Variants in WDR1 observed in about 807,000 individuals in gnomAD.
The protein encoded by WDR1 is WD repeat-containing protein 1.
In WDR1, 21 loss-of-function variants were observed where a neutral mutation model predicts 71.9. That is an observed-to-expected ratio of 0.29 (90% CI 0.21 to 0.42). The LOEUF is 0.42. Among genes scored for constraint, WDR1 ranks in the 10% least tolerant of loss-of-function variants. The pLI, the probability that WDR1 is intolerant of heterozygous loss-of-function variation, is 1.00. For missense variants in WDR1, 696 were observed against 824.5 expected, an observed-to-expected ratio of 0.84 and a Z score of 1.91; for synonymous variants, 424 against 347.4, an observed-to-expected ratio of 1.22 and a Z score of -2.45.
chr4:10,099,168 GGGAGGCGGTGGTGGGGT>G, intron 3 of WDR1, 29 bp from the exon 4 acceptor site: 1 of 1,313,452 alleles, frequency 7.6e-7, no homozygotes. Context: ...GGGGGAGGGG[GGGAGGCGGTGGTGGGGT>G]AAAGGGCAGG....
At chr4:10,088,459 A>C in intron 6 of WDR1, 86 bp from the exon 7 acceptor site, 2 of 1,378,788 alleles carry the variant, frequency 1.5e-6, no homozygotes, top group Non-Finnish European at 2.0e-6. Flanking sequence ...GGCTGTAGAA[A>C]ACCGGGGCTC....
intron 5 of WDR1, among the ~76,000 whole-genome samples, chr4:10,095,468 TG>T (rs1198301304): frequency 6.6e-6 from 1 of 152,198 alleles, no homozygotes; most frequent in African/African-American, 2.4e-5. Flanking sequence ...TGACTGTGGC[TG>T]GGCCTCATGT....
At chr4:10,110,440 C>G (rs557476874) in intron 2 of WDR1, among the ~76,000 whole-genome samples, 1 of 152,322 alleles carries the variant, frequency 6.6e-6, no homozygotes, top group South Asian at 2.1e-4. Flanking sequence ...CCTCCCGTTA[C>G]CTCCAACAGG....
At chr4:10,092,993 C>T in intron 5 of WDR1, 1 of 1,183,860 alleles carries the variant, frequency 8.4e-7, no homozygotes, top group Non-Finnish European at 1.1e-6. Flanking sequence ...TATCAACGAG[C>T]CCCCCTCCCC....
intron 11 of WDR1, 107 bp from the exon 12 acceptor site, chr4:10,079,108 C>T (rs1764913794): frequency 1.2e-6 from 1 of 865,484 alleles, no homozygotes; most frequent in African/African-American, 1.7e-5. Context: ...CTGGGTTTGG[C>T]TCCATACCCA....
chr4:10,111,062 G>A (rs142637829), intron 2 of WDR1, among the ~76,000 whole-genome samples: 1 of 152,322 alleles, frequency 6.6e-6, no homozygotes, highest in African/African-American at 2.4e-5. Context: ...CTTCATCTTT[G>A]AGCAGCTTCC....
chr4:10,082,913 T>C lies in WDR1; in HGVS notation c.1196+109A>G, dbSNP rs1249478952. 8.0e-6 allele frequency: 11 copies of C among 1,377,740 alleles called. No homozygotes were observed. The Admixed American group carries it at 2.1e-4, about 26-fold the overall frequency. 85.3% of individuals were successfully genotyped at this position (1,377,740 alleles called of 1,614,324 possible). A position where few individuals can be genotyped will look rare whatever the true frequency, so the allele number is the denominator to read the frequency against. ...AATGCTGGGGACGGGGTGGGAGAGA[T>C]GAAAGGAGCAAGTGAGGCGTCCTCC... On this transcript the variant is annotated intron_variant, in intron 10 of 14. Coordinates refer to ENST00000499869, the MANE Select transcript of WDR1 (RefSeq NM_017491.5).
intron 6 of WDR1, 100 bp downstream of exon 6, chr4:10,088,564 C>A: frequency 8.3e-7 from 1 of 1,202,710 alleles, no homozygotes; most frequent in South Asian, 1.3e-5. Flanking sequence ...TGTCTAAGTT[C>A]TGCATGTCAG....
At chr4:10,078,795 TC>T in intron 12 of WDR1, 95 bp downstream of exon 12, 1 of 1,090,088 alleles carries the variant, frequency 9.2e-7, no homozygotes, top group Non-Finnish European at 1.3e-6. Context: ...CCCCTCGCCT[TC>T]CCTGAGACAG....
chr4:10,097,600 T>C (rs1358618430), intron 5 of WDR1, 111 bp downstream of exon 5: 7 of 1,291,974 alleles, frequency 5.4e-6, no homozygotes, highest in South Asian at 4.3e-5. Context: ...CTGTGTATCA[T>C]GGCATACGTG....
chr4:10,077,286 C>T lies in WDR1; in HGVS notation c.1714+18G>A. The T allele has an allele frequency of 6.2e-7, 1 of 1,613,510 alleles. No homozygotes were observed. Among genetic ancestry groups the T allele is most frequent in the Non-Finnish European group, 8.5e-7 (1 of 1,179,782 alleles). ...GAACCATGGGTGGTCCCTGCCAAGGCCTGGGGGCGGAAGTCACCTTGGATC... is the reference window on the plus strand; with the variant it reads ...GAACCATGGGTGGTCCCTGCCAAGGTCTGGGGGCGGAAGTCACCTTGGATC... On this transcript the variant is annotated intron_variant, in intron 14 of 14. Transcript: ENST00000499869.
chr4:10,105,369 A>G (rs1339136392), intron 2 of WDR1, among the ~76,000 whole-genome samples: 1 of 152,220 alleles, frequency 6.6e-6, no homozygotes, highest in African/African-American at 2.4e-5. Flanking sequence ...CTTCTCTTTC[A>G]TCCCTAAGAC....
chr4:10,105,697 A>G (rs1274051898), intron 2 of WDR1, among the ~76,000 whole-genome samples: 1 of 152,216 alleles, frequency 6.6e-6, no homozygotes, highest in Non-Finnish European at 1.5e-5. Flanking sequence ...GTACAGTTGG[A>G]AAAGAGTTGG....
intron 2 of WDR1, among the ~76,000 whole-genome samples, chr4:10,105,119 G>C (rs963504096): frequency 6.6e-6 from 1 of 152,186 alleles, no homozygotes; most frequent in Non-Finnish European, 1.5e-5. Flanking sequence ...CACCCATCAG[G>C]CCTAACGGAA....
At chr4:10,115,524 G>C (rs567880905) in intron 2 of WDR1, among the ~76,000 whole-genome samples, 66 of 152,316 alleles carry the variant, frequency 4.3e-4, no homozygotes, top group African/African-American at 1.5e-3. Context: ...TATTAACAGC[G>C]AGTTAGCTGA....
chr4:10,116,049 G>T (rs981860285), intron 2 of WDR1, 64 bp downstream of exon 2: 11 of 1,572,814 alleles, frequency 7.0e-6, no homozygotes, highest in Non-Finnish European at 9.5e-6. Context: ...TGGAGAGGAA[G>T]GCGAATTATC....
At chr4:10,076,825 G>A (rs886727948) in intron 14 of WDR1, 4 of 162,644 alleles carry the variant, frequency 2.5e-5, no homozygotes, top group African/African-American at 9.6e-5. Context: ...TACAATACGT[G>A]CATGGCCACG....
chr4:10,077,824 C>T lies in WDR1; in HGVS notation c.1498G>A (p.Asp500Asn), dbSNP rs762344263. ...TCGCACACCGCGAGGAAGGCGCCGT[C>T]GTGGGAGTAGGCCACGTCGGTCACG... ...GPVTDVAYSH[D>N]GAFLAVCDAS... is the part of the protein sequence containing the mutation. The change falls in exon 13 of 15, where the codon GAC (aspartate) becomes AAC (asparagine). Residue 500 changes from aspartate (D) to asparagine (N), a missense_variant. Physicochemically the swap from Asp to Asn is conservative, Grantham distance 23. Coordinates refer to ENST00000499869, the MANE Select transcript of WDR1 (RefSeq NM_017491.5). 1.9e-5 allele frequency: 30 copies of T among 1,608,122 alleles called. No homozygotes were observed. The highest frequency in any genetic ancestry group is 2.2e-5 in the South Asian group (2 of 89,990).
At position 10,083,468 on chromosome 4, in the gene WDR1, AG is replaced by A. The variant is rs144012785; in HGVS notation, c.1040-291del. On this transcript the variant is annotated intron_variant, in intron 9 of 14. Transcript: ENST00000499869. ...AGGCTCCGGCGTCTCCTCTGCTACT[AG>A]TTATCGGGTAGGCGCAACCCTCTAA... The A allele has an allele frequency of 1.5e-3, 834 of 548,960 alleles. 6 individuals carry two copies. Among genetic ancestry groups the A allele is most frequent in the African/African-American group, 0.013 (723 of 53,840 alleles). 34.0% of individuals were successfully genotyped at this position (548,960 alleles called of 1,614,324 possible). A position where few individuals can be genotyped will look rare whatever the true frequency, so the allele number is the denominator to read the frequency against.
Sources: allele counts gnomAD v4.1 joint callset (sites outside exome capture counted in the v4.1 genomes callset), GRCh38; gene constraint gnomAD v4.1.1; transcripts MANE v1.5; gene names NCBI Gene and HGNC (gene_info 2026-07-23, HGNC 2026-07-21).